The following CENPF variants were observed in gnomAD, a reference collection of about 807,000 sequenced individuals.
The protein encoded by CENPF is centromere protein F, also known as AH antigen.
CENPF carries 214 observed loss-of-function variants against 307.3 expected under a neutral mutation model. The ratio of observed to expected loss-of-function variants is 0.70; its 90% CI spans 0.62 to 0.78. The LOEUF is 0.78. CENPF is among the 30% of genes least tolerant of loss of function. The pLI is 0.00. For synonymous variants in CENPF, 1,259 were observed against 1,270.6 expected (o/e 0.99, Z 0.19); for missense variants, 3,401 against 3,483.9 (o/e 0.98, Z 0.60).
In CENPF at chr1:214,647,098, G is replaced by A. The variant is rs1658330852; in HGVS notation, c.7528G>A (p.Val2510Ile). 3 of 1,614,076 alleles carry A rather than the reference G, an allele frequency of 1.9e-6. No individual in the cohort carries two copies. The highest frequency in any genetic ancestry group is 2.5e-6 in the Non-Finnish European group (3 of 1,179,976). The change falls in exon 13 of 20, where the codon GTA (valine) becomes ATA (isoleucine). Residue 2510 changes from valine (V) to isoleucine (I), a missense_variant. Physicochemically the swap from Val to Ile is conservative, Grantham distance 29. Coordinates refer to ENST00000366955, the MANE Select transcript of CENPF (RefSeq NM_016343.4). ...TTCAGTGAATGGCCTCATTCAAGAA[G>A]TAGAAGATGGCAAGCAGAAACTGGA... ...QSSVNGLIQE[V>I]EDGKQKLEKK...
At position 214,620,925 on chromosome 1, in the gene CENPF, C is replaced by A; in HGVS notation, c.844C>A (p.Gln282Lys). Reference protein sequence around the residue: ...DNSSSPHLLDQLKAQNQELRN... With the variant: ...DNSSSPHLLDKLKAQNQELRN... Reference sequence around the variant, plus strand: ...TTCTAGCAGTCCTCATCTTTTGGATCAATTAAAAGCGCAGAATCAAGGTAA... The same window carrying A: ...TTCTAGCAGTCCTCATCTTTTGGATAAATTAAAAGCGCAGAATCAAGGTAA... Residue 282 changes from glutamine (Q) to lysine (K), a missense_variant, in exon 6 of 20, where the codon CAA becomes AAA. Transcript: ENST00000366955. The A allele has an allele frequency of 6.2e-7, 1 of 1,608,190 alleles. No individual in the cohort carries two copies. The highest frequency in any genetic ancestry group is 1.1e-5 in the South Asian group (1 of 89,896).
intron 18 of CENPF, among the ~76,000 whole-genome samples, chr1:214,658,242 G>C (rs1421360584): frequency 6.6e-6 from 1 of 152,180 alleles, no homozygotes. Flanking sequence ...TCTGGAGTGT[G>C]TGTTGATACA....
At position 214,655,382 on chromosome 1, in the gene CENPF, G is replaced by T; in HGVS notation, c.8464G>T (p.Ala2822Ser). The T allele has an allele frequency of 1.3e-6, 2 of 1,599,916 alleles. No homozygotes were observed. Among genetic ancestry groups the T allele is most frequent in the Non-Finnish European group, 1.7e-6 (2 of 1,174,738 alleles). Residue 2822 changes from alanine to serine, a missense_variant, in exon 17 of 20, where the codon GCA becomes TCA. By Grantham distance (99) the Ala-to-Ser change is moderately conservative. Coordinates refer to ENST00000366955, the MANE Select transcript of CENPF (RefSeq NM_016343.4). ...LQKELSQLQA[A>S]QEKQKTGTVM... Reference sequence around the variant, plus strand: ...GAAAGAACTCTCTCAACTTCAAGCTGCACAGGAGAAGCAGAAAACAGGTGG... The same window carrying T: ...GAAAGAACTCTCTCAACTTCAAGCTTCACAGGAGAAGCAGAAAACAGGTGG...
chr1:214,604,935 T>G (rs1176561823), intron 1 of CENPF, among the ~76,000 whole-genome samples: 1 of 152,244 alleles, frequency 6.6e-6, no homozygotes, highest in Non-Finnish European at 1.5e-5. Flanking sequence ...CTTCTCCCTC[T>G]TAATTTTTTT....
Position 214,629,123 on chromosome 1 carries a change from A to C in CENPF, c.1146A>C (p.Arg382Ser). The C allele has an allele frequency of 6.2e-7, 1 of 1,611,626 alleles. No homozygotes were observed. Among genetic ancestry groups the C allele is most frequent in the Non-Finnish European group, 8.5e-7 (1 of 1,179,310 alleles). ...SCQRQNAESA[R>S]CSLEQKIKEK... ...AGCGACAAAATGCAGAAAGTGCCAGATGTTCTCTGGAACAGAAAATTAAGG... is the reference window on the plus strand; with the variant it reads ...AGCGACAAAATGCAGAAAGTGCCAGCTGTTCTCTGGAACAGAAAATTAAGG... The change falls in exon 8 of 20, where the codon AGA becomes AGC. Residue 382 changes from arginine to serine, a missense_variant. Physicochemically the swap from Arg to Ser is moderately radical, Grantham distance 110. Coordinates refer to ENST00000366955, the MANE Select transcript of CENPF (RefSeq NM_016343.4).
Position 214,645,436 on chromosome 1 carries a change from G to C in CENPF, c.5866G>C (p.Val1956Leu). ...CTGCCTTGAAGAAGAACTCTCAGTG[G>C]TCACAAGTGAGAGAAACCAGCTTCG... ...IVCLEEELSV[V>L]TSERNQLRGE... The change falls in exon 13 of 20, where the codon GTC (valine) becomes CTC (leucine). Residue 1956 changes from valine to leucine, a missense_variant. Physicochemically the swap from Val to Leu is conservative, Grantham distance 32 (BLOSUM62 1). Coordinates refer to ENST00000366955, the MANE Select transcript of CENPF (RefSeq NM_016343.4). 6.2e-7 allele frequency: 1 copy of C among 1,614,058 alleles called. No individual in the cohort carries two copies.
intron 1 of CENPF, among the ~76,000 whole-genome samples, chr1:214,605,013 G>GA (rs533350706): frequency 2.0e-5 from 3 of 151,918 alleles, no homozygotes; most frequent in African/African-American, 4.8e-5. Context: ...AAAATCGATT[G>GA]AAAAAAACCA....
Position 214,620,782 on chromosome 1 carries a change from G to A in CENPF, c.701G>A (p.Arg234Lys). 6.2e-7 allele frequency: 1 copy of A among 1,614,154 alleles called. No homozygotes were observed. Residue 234 changes from arginine to lysine, a missense_variant, in exon 6 of 20, where the codon AGA (arginine) becomes AAA (lysine). Physicochemically the swap from Arg to Lys is conservative, Grantham distance 26. Transcript: ENST00000366955. ...AGTCATCTTTCATCTAATTCTCAAAGAACTCCAATTAGGAGAGATTTCTCT... is the reference window on the plus strand; with the variant it reads ...AGTCATCTTTCATCTAATTCTCAAAAAACTCCAATTAGGAGAGATTTCTCT... ...TPSHLSSNSQ[R>K]TPIRRDFSAS... is the part of the protein sequence containing the mutation.
chr1:214,645,087 C>A lies in CENPF; in HGVS notation c.5517C>A (p.Asn1839Lys). 1.2e-6 allele frequency: 2 copies of A among 1,613,080 alleles called. No homozygotes were observed. The highest frequency in any genetic ancestry group is 1.7e-5 in the Admixed American group (1 of 59,794). Residue 1839 changes from asparagine to lysine, a missense_variant, in exon 13 of 20, where the codon AAC becomes AAA. Transcript: ENST00000366955. ...TAGTTGGGGAACTTAAGAAAGAAAA[C>A]TCAGATTTAAGTGAAAAATTGGAAT... Reference protein sequence around the residue: ...EKIVGELKKENSDLSEKLEYF... With the variant: ...EKIVGELKKEKSDLSEKLEYF...
intron 2 of CENPF, 119 bp from the exon 3 acceptor site, chr1:214,614,713 T>C (rs1462384189): frequency 3.4e-6 from 2 of 594,718 alleles, no homozygotes; most frequent in Non-Finnish European, 5.6e-6. Flanking sequence ...TGTGTTCATA[T>C]GGCTTATTGC....
intron 1 of CENPF, among the ~76,000 whole-genome samples, chr1:214,604,480 G>C (rs1222225560): frequency 6.6e-6 from 1 of 152,126 alleles, no homozygotes; most frequent in African/African-American, 2.4e-5. Flanking sequence ...ATCACAGTTA[G>C]CTTGGTCTAC....
At position 214,641,788 on chromosome 1, in the gene CENPF, A is replaced by G. The variant is rs1397429073; in HGVS notation, c.3450A>G (p.Leu1150=). 1 of 1,597,744 alleles carries G rather than the reference A, an allele frequency of 6.3e-7. No homozygotes were observed. The highest frequency in any genetic ancestry group is 8.5e-7 in the Non-Finnish European group (1 of 1,176,020). Residue 1150 remains leucine (L), a synonymous_variant, in exon 12 of 20, where the codon TTA becomes TTG. Coordinates refer to ENST00000366955, the MANE Select transcript of CENPF (RefSeq NM_016343.4). ...NKMQKEVNDL[L]QENEQLMKVM... The stretch of plus-strand genomic sequence containing the variant: ...TGCAAAAGGAAGTTAATGACTTATT[A>G]CAAGAGAATGAACAGCTGATGAAGG...
rs111485870 is a variant in CENPF at position 214,610,150 on chromosome 1, G to C, written c.-41-3564G>C. ...TGGGATTACAGGCATGAGCCACTGTGCCTGGCCATGCATGTGTCTTTATGG... is the reference window on the plus strand; with the variant it reads ...TGGGATTACAGGCATGAGCCACTGTCCCTGGCCATGCATGTGTCTTTATGG... On this transcript the variant is annotated intron_variant, in intron 1 of 19. Transcript: ENST00000366955. Among the ~76,000 whole-genome samples the C allele has an allele frequency of 3.3e-3, 499 of 151,974 alleles. 6 individuals carry two copies. The highest frequency in any genetic ancestry group is 0.011 in the African/African-American group (471 of 41,456).
intron 7 of CENPF, 51 bp downstream of exon 7, chr1:214,622,332 T>G (rs774107665): frequency 7.2e-7 from 1 of 1,398,330 alleles, no homozygotes; most frequent in Non-Finnish European, 9.9e-7. Flanking sequence ...TTTCATACAA[T>G]TATTTAGAAA....
rs763314217 is a variant in CENPF at position 214,645,296 on chromosome 1, C to T, written c.5726C>T (p.Ser1909Leu). Residue 1909 changes from serine (S) to leucine (L), a missense_variant, in exon 13 of 20, where the codon TCG becomes TTG. Coordinates refer to ENST00000366955, the MANE Select transcript of CENPF (RefSeq NM_016343.4). Reference protein sequence around the residue: ...DVENELSRIRSEKASIEHEAL... With the variant: ...DVENELSRIRLEKASIEHEAL... The stretch of plus-strand genomic sequence containing the variant: ...GAAAATGAGCTGAGTAGGATCAGAT[C>T]GGAGAAAGCTAGCATTGAGCATGAA... 33 of 1,614,002 alleles carry T rather than the reference C, an allele frequency of 2.0e-5. No homozygotes were observed. Among genetic ancestry groups the T allele is most frequent in the South Asian group, 4.4e-5 (4 of 91,074 alleles).
chr1:214,645,719 CAA>C lies in CENPF; in HGVS notation c.6152_6153del (p.Lys2051MetfsTer2), dbSNP rs1375706251. 3 of 1,614,020 alleles carry C rather than the reference CAA, an allele frequency of 1.9e-6. No individual in the cohort carries two copies. The highest frequency in any genetic ancestry group is 1.7e-6 in the Non-Finnish European group (2 of 1,180,034). On this transcript the variant is annotated frameshift_variant, in exon 13 of 20. Transcript: ENST00000366955. LOFTEE classifies it high-confidence loss of function. ...AAGGACTCACAGGCACTGTCTTTGA[CAA>C]AATGTGAGCTGGAAAACCAAATTGC...
intron 1 of CENPF, chr1:214,606,107 C>T (rs577669742): frequency 9.4e-5 from 148 of 1,574,358 alleles, no homozygotes; most frequent in Admixed American, 1.8e-4. Context: ...GGGTCAGCCG[C>T]GGCCTCCGAC....
In CENPF at chr1:214,646,162, C is replaced by T. The variant is rs1440520909; in HGVS notation, c.6592C>T (p.Leu2198=). ...ACAAATAGAAGAGATGGCCAGAAGC[C>T]TGAAAGTTTTTGAATTAGACCTTGT... ...KTQIEEMARS[L]KVFELDLVTL... is the part of the protein sequence containing the mutation. Residue 2198 remains leucine, a synonymous_variant, in exon 13 of 20, where the codon CTG becomes TTG. Transcript: ENST00000366955. The T allele has an allele frequency of 6.2e-7, 1 of 1,613,266 alleles. No individual in the cohort carries two copies. Among genetic ancestry groups the T allele is most frequent in the South Asian group, 1.1e-5 (1 of 90,966 alleles).
chr1:214,652,121 C>T lies in CENPF; in HGVS notation c.8160+235C>T, dbSNP rs150443882. ...TCTCTCTCTGTCGCACTGCAAGCTC[C>T]GTCTCCCAGGTTTGCACCATTCTCC... On this transcript the variant is annotated intron_variant, in intron 15 of 19. Coordinates refer to ENST00000366955, the MANE Select transcript of CENPF (RefSeq NM_016343.4). Among the ~76,000 whole-genome samples, 203 of 145,662 alleles carry T rather than the reference C, an allele frequency of 1.4e-3. 2 individuals are homozygous for T. The highest frequency in any genetic ancestry group is 5.0e-3 in the African/African-American group (189 of 37,574).
Sources: allele counts gnomAD v4.1 joint callset (sites outside exome capture counted in the v4.1 genomes callset), GRCh38; gene constraint gnomAD v4.1.1; transcripts MANE v1.5; gene names NCBI Gene and HGNC (gene_info 2026-07-23, HGNC 2026-07-21).